RASSF5: variants seen among roughly 807,000 people sequenced by gnomAD.
The protein encoded by RASSF5 is Ras association domain family member 5.
Under a neutral mutation model 40.5 loss-of-function variants are expected in RASSF5, and 25 were observed. That is an observed-to-expected ratio of 0.62 (90% CI 0.45 to 0.86). The LOEUF (loss-of-function observed/expected upper bound fraction) is 0.86. Among genes scored for constraint, RASSF5 ranks in the 40% least tolerant of loss-of-function variants. The pLI, the probability that RASSF5 is intolerant of heterozygous loss-of-function variation, is 0.00. For missense variants in RASSF5, 521 were observed against 572.8 expected, an observed-to-expected ratio of 0.91 and a Z score of 0.92; for synonymous variants, 246 against 252.4, an observed-to-expected ratio of 0.97 and a Z score of 0.24.
At chr1:206,582,166 C>A (rs1470538432) in intron 2 of RASSF5, among the ~76,000 whole-genome samples, 1 of 152,148 alleles carries the variant, frequency 6.6e-6, no homozygotes, top group Non-Finnish European at 1.5e-5. Context: ...TAACAGTGAA[C>A]TTGAGAGAGA....
chr1:206,582,545 CA>C (rs1199715445), intron 2 of RASSF5, among the ~76,000 whole-genome samples: 2 of 152,216 alleles, frequency 1.3e-5, no homozygotes, highest in South Asian at 2.1e-4. Flanking sequence ...GTACTTGGCA[CA>C]GAAGAAGTGC....
rs1553398926 is a variant in RASSF5, at chr1:206,538,230, G to A, written c.516G>A (p.Gln172=). The A allele has an allele frequency of 1.2e-5, 19 of 1,614,202 alleles. No individual in the cohort carries two copies. Among genetic ancestry groups the A allele is most frequent in the Non-Finnish European group, 1.4e-5 (17 of 1,180,028 alleles). The change falls in exon 2 of 6, where the codon CAG becomes CAA. Residue 172 remains glutamine (Q), a synonymous_variant. Transcript: ENST00000579436. ...GCCTGATCCAGTTGGACTGCAGTCAGCAGGAGGGTTTATCCCGGGACAGAC... is the reference window on the plus strand; with the variant it reads ...GCCTGATCCAGTTGGACTGCAGTCAACAGGAGGGTTTATCCCGGGACAGAC... ...CRSLIQLDCS[Q]QEGLSRDRPS... is the part of the protein sequence containing the mutation.
intron 2 of RASSF5, among the ~76,000 whole-genome samples, chr1:206,539,816 T>C (rs1667500916): frequency 6.6e-6 from 1 of 152,162 alleles, no homozygotes; most frequent in African/African-American, 2.4e-5. Context: ...GGAGGTTACA[T>C]AGTACACCAT....
intron 2 of RASSF5, chr1:206,541,839 G>A (rs1485320446): frequency 6.6e-6 from 1 of 152,150 alleles, no homozygotes; most frequent in Non-Finnish European, 1.5e-5. Flanking sequence ...AGCCCTCAGT[G>A]GCTCCTGGTG....
At position 206,583,258 on chromosome 1, in the gene RASSF5, G is replaced by C; in HGVS notation, c.580-11G>C. On this transcript the variant is annotated splice_polypyrimidine_tract_variant and intron_variant, in intron 2 of 5. Transcript: ENST00000579436. ...ACTACACATCCACCTCCACTTCTGT[G>C]TCTCTTCCAGAATGTCTGTAAACCT... The C allele has an allele frequency of 6.3e-7, 1 of 1,582,668 alleles. No individual in the cohort carries two copies. Among genetic ancestry groups the C allele is most frequent in the Non-Finnish European group, 8.7e-7 (1 of 1,151,758 alleles).
chr1:206,529,243 G>A (rs1667173633), intron 1 of RASSF5: 1 of 1,268,270 alleles, frequency 7.9e-7, no homozygotes. Context: ...AAGAAGCAGA[G>A]GCCGTTGGCC....
Position 206,584,474 on chromosome 1 carries a change from T to C in RASSF5, c.778T>C (p.Ser260Pro), listed in dbSNP as rs1553407088. ...GGTGCCTGCTGGGATCCGGCCCCAG[T>C]CCATCTATGATGCCATCAAGGAGGT... ...VTVPAGIRPQ[S>P]IYDAIKEVNL... is the part of the protein sequence containing the mutation. The change falls in exon 4 of 6, where the codon TCC (serine) becomes CCC (proline). Residue 260 changes from serine (S) to proline (P), a missense_variant. Around this residue, in one of 2 missense-constraint regions of RASSF5, gnomAD observed 284 missense variants for 360.8 expected, o/e 0.79. Coordinates refer to ENST00000579436, the MANE Select transcript of RASSF5 (RefSeq NM_182663.4). The surrounding 1 kb of genome is among the most constrained non-coding windows in gnomAD (Gnocchi z 4.9). The C allele has an allele frequency of 1.2e-6, 2 of 1,614,086 alleles. No individual in the cohort carries two copies. Among genetic ancestry groups the C allele is most frequent in the Non-Finnish European group, 1.7e-6 (2 of 1,179,988 alleles).
chr1:206,540,206 CTG>C (rs1162174988), intron 2 of RASSF5, among the ~76,000 whole-genome samples: 3 of 152,248 alleles, frequency 2.0e-5, no homozygotes, highest in African/African-American at 7.2e-5. Flanking sequence ...TGGGCGAAGA[CTG>C]AGAAACCCTG....
intron 1 of RASSF5, chr1:206,528,909 C>T (rs1667164818): frequency 3.4e-6 from 2 of 582,456 alleles, no homozygotes; most frequent in Non-Finnish European, 6.0e-6. Flanking sequence ...CCTCGCATTG[C>T]CCAAGATGCT....
chr1:206,553,293 A>G (rs548709164), intron 2 of RASSF5, among the ~76,000 whole-genome samples: 4 of 152,240 alleles, frequency 2.6e-5, no homozygotes, highest in East Asian at 1.9e-4. Flanking sequence ...TAATTATTCA[A>G]TAATTTTTTG....
intron 1 of RASSF5, among the ~76,000 whole-genome samples, chr1:206,534,006 A>G (rs1309924187): frequency 2.6e-5 from 4 of 152,214 alleles, no homozygotes; most frequent in Admixed American, 2.6e-4. Flanking sequence ...GAAAGAGGCA[A>G]CAAAGGACTC....
At chr1:206,549,177 T>C (rs1667774312) in intron 2 of RASSF5, among the ~76,000 whole-genome samples, 1 of 152,154 alleles carries the variant, frequency 6.6e-6, no homozygotes, top group South Asian at 2.1e-4. Context: ...GTGCTTCATT[T>C]TGGATCATTG....
chr1:206,508,357 C>T (rs557601218), intron 1 of RASSF5, among the ~76,000 whole-genome samples: 2 of 152,172 alleles, frequency 1.3e-5, no homozygotes, highest in Non-Finnish European at 2.9e-5. Flanking sequence ...CACACACACT[C>T]GCACACAGGT....
intron 2 of RASSF5, among the ~76,000 whole-genome samples, chr1:206,550,894 C>T (rs535132809): frequency 1.3e-5 from 2 of 152,172 alleles, no homozygotes; most frequent in Non-Finnish European, 2.9e-5. Context: ...GGCACAAATC[C>T]ATGTGCCTGC....
chr1:206,579,073 A>G lies in RASSF5; in HGVS notation c.580-4196A>G, dbSNP rs1668767971. Reference sequence around the variant, plus strand: ...AACCCCTAGCACCCAGCCTCTTTACATGGCTGTTCCCCAATCACCTCCAGA... The same window carrying G: ...AACCCCTAGCACCCAGCCTCTTTACGTGGCTGTTCCCCAATCACCTCCAGA... On this transcript the variant is annotated intron_variant, in intron 2 of 5. Coordinates refer to ENST00000579436, the MANE Select transcript of RASSF5 (RefSeq NM_182663.4). The surrounding 1 kb of genome is among the most constrained non-coding windows in gnomAD (Gnocchi z 4.2). 1.3e-5 allele frequency among the ~76,000 whole-genome samples: 2 copies of G among 152,148 alleles called. No individual in the cohort carries two copies. Among genetic ancestry groups the G allele is most frequent in the Admixed American group, 6.5e-5 (1 of 15,284 alleles).
chr1:206,557,569 G>A (rs2103538864), intron 2 of RASSF5: 1 of 1,613,890 alleles, frequency 6.2e-7, no homozygotes, highest in Non-Finnish European at 8.5e-7. Context: ...GGAACTCCGG[G>A]GTAGATGACC....
At chr1:206,519,679 C>CA (rs1666855067) in intron 1 of RASSF5, among the ~76,000 whole-genome samples, 1 of 152,126 alleles carries the variant, frequency 6.6e-6, no homozygotes, top group Admixed American at 6.5e-5. Flanking sequence ...GGCAGGTCAC[C>CA]ACACTAAGTC....
chr1:206,573,185 G>A (rs782626980), intron 2 of RASSF5, among the ~76,000 whole-genome samples: 18 of 152,304 alleles, frequency 1.2e-4, no homozygotes, highest in East Asian at 3.9e-4. Context: ...ATCAGTCTCC[G>A]TGTGGTGGCT....
Position 206,508,423 on chromosome 1 carries a change from C to T in RASSF5, c.457+364C>T, listed in dbSNP as rs190949263. On this transcript the variant is annotated intron_variant, in intron 1 of 5. Transcript: ENST00000579436. ...GGCCTCTGTCATCTCCCTGTGCACC[C>T]TCATGGTTTTGTTGTGAGTTCTTGG... Among the ~76,000 whole-genome samples the T allele has an allele frequency of 9.9e-3, 1,502 of 151,614 alleles. 11 individuals are homozygous for T. The highest frequency in any genetic ancestry group is 0.015 in the Non-Finnish European group (1,013 of 67,762).
Sources: allele counts gnomAD v4.1 joint callset (sites outside exome capture counted in the v4.1 genomes callset), GRCh38; gene constraint gnomAD v4.1.1; regional missense constraint gnomAD v4.1.1; non-coding constraint Gnocchi (gnomAD v3.1); transcripts MANE v1.5; gene names NCBI Gene and HGNC (gene_info 2026-07-23, HGNC 2026-07-21).